ZNF521: variants seen among roughly 807,000 people sequenced by gnomAD.
ZNF521 encodes the protein zinc finger protein 521.
ZNF521 carries 14 observed loss-of-function variants against 105.5 expected under a neutral mutation model. The ratio of observed to expected loss-of-function variants is 0.13; its 90% CI spans 0.09 to 0.21. The LOEUF (loss-of-function observed/expected upper bound fraction) is 0.21. ZNF521 is among the 10% of genes least tolerant of loss of function. The pLI is 1.00. For missense variants in ZNF521, 1,233 were observed against 1,629.7 expected, an observed-to-expected ratio of 0.76 and a Z score of 4.19; for synonymous variants, 635 against 606.0, an observed-to-expected ratio of 1.05 and a Z score of -0.70.
intron 3 of ZNF521, among the ~76,000 whole-genome samples, chr18:25,240,860 T>A (rs942449524): frequency 6.6e-6 from 1 of 151,022 alleles, no homozygotes; most frequent in African/African-American, 2.4e-5. Flanking sequence ...CTCTTTCTTA[T>A]CCAGGTTCCC....
chr18:25,192,935 C>T (rs1201602510), intron 5 of ZNF521, among the ~76,000 whole-genome samples: 3 of 151,942 alleles, frequency 2.0e-5, no homozygotes, highest in Non-Finnish European at 4.4e-5. Context: ...TAAATGGATG[C>T]TACTCATTTG....
At chr18:25,164,640 G>A (rs45583642) in intron 5 of ZNF521, among the ~76,000 whole-genome samples, 2,097 of 152,248 alleles carry the variant, frequency 0.014, 23 homozygotes, top group Non-Finnish European at 0.021. Context: ...AAGTTGTCAC[G>A]GTTGGCTTCT....
chr18:25,189,830 T>G (rs1391358692), intron 5 of ZNF521, among the ~76,000 whole-genome samples: 3 of 152,212 alleles, frequency 2.0e-5, no homozygotes, highest in African/African-American at 7.2e-5. Context: ...TTGAAATGCT[T>G]TGGTGTTTGT....
chr18:25,336,098 C>G (rs1913866783), intron 2 of ZNF521, among the ~76,000 whole-genome samples: 2 of 152,160 alleles, frequency 1.3e-5, no homozygotes, highest in African/African-American at 4.8e-5. Flanking sequence ...AAAATTAAAG[C>G]ACCGGCTAGA....
At chr18:25,257,232 T>A (rs2144877237) in intron 3 of ZNF521, among the ~76,000 whole-genome samples, 1 of 152,232 alleles carries the variant, frequency 6.6e-6, no homozygotes, top group Middle Eastern at 3.4e-3. Context: ...ATTAAAAAGA[T>A]CTATTTTAGA....
chr18:25,118,506 C>G (rs1418722474), intron 5 of ZNF521, among the ~76,000 whole-genome samples: 7 of 151,818 alleles, frequency 4.6e-5, no homozygotes, highest in Non-Finnish European at 1.0e-4. Context: ...ATCTATATCA[C>G]AGATTGACAT....
intron 5 of ZNF521, among the ~76,000 whole-genome samples, chr18:25,180,439 A>T (rs150184954): frequency 1.3e-5 from 2 of 152,236 alleles, no homozygotes; most frequent in African/African-American, 2.4e-5. Context: ...ATCTCACCAC[A>T]TCAGTGCAAA....
intron 5 of ZNF521, among the ~76,000 whole-genome samples, chr18:25,097,092 AG>A (rs2033867403): frequency 1.3e-5 from 2 of 152,116 alleles, no homozygotes; most frequent in African/African-American, 4.8e-5. Flanking sequence ...TTTATAAGCT[AG>A]GGGTCCGAGG....
At chr18:25,168,630 G>C (rs1432091594) in intron 5 of ZNF521, among the ~76,000 whole-genome samples, 10 of 152,192 alleles carry the variant, frequency 6.6e-5, no homozygotes, top group African/African-American at 2.4e-4. Context: ...CTCCACAAAA[G>C]AGATAGTCAG....
chr18:25,173,046 T>C (rs923858671), intron 5 of ZNF521, among the ~76,000 whole-genome samples: 2 of 152,252 alleles, frequency 1.3e-5, no homozygotes, highest in Non-Finnish European at 2.9e-5. Context: ...AAGTATTCTA[T>C]ACTCTTCTCC....
At chr18:25,154,887 A>G (rs1244445229) in intron 5 of ZNF521, among the ~76,000 whole-genome samples, 1 of 152,008 alleles carries the variant, frequency 6.6e-6, no homozygotes, top group African/African-American at 2.4e-5. Context: ...TGGTGATTTC[A>G]TTTTCTTTGG....
intron 2 of ZNF521, among the ~76,000 whole-genome samples, chr18:25,340,070 A>G (rs901506033): frequency 3.9e-5 from 6 of 152,138 alleles, no homozygotes; most frequent in Admixed American, 3.9e-4. Context: ...AAAGCAACAC[A>G]CTTTGGTAGG....
At chr18:25,124,723 T>A (rs913823226) in intron 5 of ZNF521, among the ~76,000 whole-genome samples, 4 of 152,202 alleles carry the variant, frequency 2.6e-5, no homozygotes, top group African/African-American at 9.6e-5. Context: ...AAAAATTCTA[T>A]CTATTTAAGT....
chr18:25,328,926 CTT>C (rs1050422146), intron 2 of ZNF521, among the ~76,000 whole-genome samples: 4 of 152,202 alleles, frequency 2.6e-5, no homozygotes, highest in Admixed American at 6.5e-5. Flanking sequence ...AGTACTCCAA[CTT>C]TAATACAAAG....
chr18:25,159,191 C>T (rs921236468), intron 5 of ZNF521, among the ~76,000 whole-genome samples: 8 of 152,102 alleles, frequency 5.3e-5, no homozygotes, highest in East Asian at 1.9e-4. Context: ...TAAAGGTAAC[C>T]GAGAAGCTGA....
intron 5 of ZNF521, among the ~76,000 whole-genome samples, chr18:25,145,393 T>A (rs533884612): frequency 3.9e-5 from 6 of 152,272 alleles, no homozygotes; most frequent in African/African-American, 1.4e-4. Context: ...CTAGGCCTCT[T>A]TGGTGTTATC....
rs75960170 is a variant in ZNF521 at position 25,139,423 on chromosome 18, A to G, written c.3659-47342T>C. Among the ~76,000 whole-genome samples, 949 of 149,188 alleles carry G rather than the reference A, an allele frequency of 6.4e-3. 5 individuals are homozygous for G. Among genetic ancestry groups the G allele is most frequent in the Non-Finnish European group, 9.7e-3 (657 of 67,802 alleles). On this transcript the variant is annotated intron_variant, in intron 5 of 7. Transcript: ENST00000361524. ...AAAAAGACAATAAGCCTTTAAGAGC[A>G]AAGGAATCTGTAGCAAAAGACCATA... is the stretch of plus-strand genomic sequence containing the variant.
intron 3 of ZNF521, among the ~76,000 whole-genome samples, chr18:25,312,529 C>CAACTATAGATG (rs1600292138): frequency 9.0e-6 from 1 of 111,456 alleles, no homozygotes; most frequent in African/African-American, 3.3e-5. Flanking sequence ...AAGTTGGAAC[C>CAACTATAGATG]AGGCCGGGCG....
intron 5 of ZNF521, among the ~76,000 whole-genome samples, chr18:25,132,292 A>G (rs1232755248): frequency 6.6e-6 from 1 of 152,182 alleles, no homozygotes; most frequent in Non-Finnish European, 1.5e-5. Context: ...CTAGTGTTTT[A>G]TAACTTCTAA....
Sources: allele counts gnomAD v4.1 joint callset (sites outside exome capture counted in the v4.1 genomes callset), GRCh38; gene constraint gnomAD v4.1.1; transcripts MANE v1.5; gene names NCBI Gene and HGNC (gene_info 2026-07-23, HGNC 2026-07-21).